FRY: variants seen among roughly 807,000 people sequenced by gnomAD.
FRY encodes protein furry homolog.
A neutral mutation model predicts 348.4 loss-of-function variants in FRY; 128 were observed. That is an observed-to-expected ratio of 0.37 (90% CI 0.32 to 0.43). The LOEUF is 0.43. Among genes scored for constraint, FRY ranks in the 20% least tolerant of loss-of-function variants. The pLI is 1.00. For synonymous variants in FRY, 1,370 were observed against 1,374.7 expected, an observed-to-expected ratio of 1.00 and a Z score of 0.08; for missense variants, 2,736 against 3,695.2, an observed-to-expected ratio of 0.74 and a Z score of 6.73.
rs765046521 is a variant in FRY at position 32,209,017 on chromosome 13, G to A, written c.4183G>A (p.Val1395Met). The change falls in exon 32 of 61, where the codon GTG (valine) becomes ATG (methionine). Residue 1395 changes from valine (V) to methionine (M), a missense_variant. Physicochemically the swap from Val to Met is conservative, Grantham distance 21 (BLOSUM62 1). Coordinates refer to ENST00000542859, the MANE Select transcript of FRY (RefSeq NM_023037.3). The part of the protein sequence containing the change: ...EDEVKDREGD[V>M]TASHGLRGNG... ...CGAAGTCAAGGACCGGGAAGGTGACGTGACTGCTTCTCACGGGCTGAGAGG... is the reference window on the plus strand; with the variant it reads ...CGAAGTCAAGGACCGGGAAGGTGACATGACTGCTTCTCACGGGCTGAGAGG... The A allele has an allele frequency of 4.8e-5, 78 of 1,614,204 alleles. No homozygotes were observed. In the South Asian group the frequency reaches 5.2e-4, roughly 11 times the overall value.
chr13:32,228,682 G>C, intron 40 of FRY, 28 bp downstream of exon 40: 1 of 1,602,240 alleles, frequency 6.2e-7, no homozygotes, highest in Non-Finnish European at 8.6e-7. Flanking sequence ...GTCCGCTGCT[G>C]TTTGCAGGTT....
intron 50 of FRY, among the ~76,000 whole-genome samples, chr13:32,252,164 T>G (rs927813823): frequency 9.9e-5 from 15 of 152,206 alleles, no homozygotes; most frequent in Admixed American, 6.5e-5. Context: ...GCTGGCTGTT[T>G]GCTCGTTTGT....
At chr13:32,039,993 C>T (rs1872688491) in intron 1 of FRY, among the ~76,000 whole-genome samples, 1 of 152,306 alleles carries the variant, frequency 6.6e-6, no homozygotes, top group African/African-American at 2.4e-5. Flanking sequence ...CAGGATTTCT[C>T]AGCTAATGCC....
intron 1 of FRY, among the ~76,000 whole-genome samples, chr13:32,065,097 A>G (rs1000317221): frequency 2.0e-5 from 3 of 152,284 alleles, no homozygotes; most frequent in South Asian, 4.1e-4. Flanking sequence ...AGGTTCTAAG[A>G]TGGCATTCCT....
In FRY at chr13:32,078,851, G is replaced by A. The variant is rs760037531; in HGVS notation, c.88G>A (p.Gly30Ser). ...TTTTTCAGCTTCTCCCGTTGGCAAC[G>A]GTTACATCAAGCCTCCGGTTCCACC... ...SWSNTSPVGN[G>S]YIKPPVPPAS... is the part of the protein sequence containing the mutation. Residue 30 changes from glycine to serine, a missense_variant, in exon 2 of 61, where the codon GGT becomes AGT. By Grantham distance (56) the Gly-to-Ser change is moderately conservative. This residue lies in a region of FRY where 309 missense variants were observed against 418.1 expected (regional missense o/e 0.74). Transcript: ENST00000542859. 3.7e-6 allele frequency: 6 copies of A among 1,613,946 alleles called. No homozygotes were observed. Among genetic ancestry groups the A allele is most frequent in the South Asian group, 2.2e-5 (2 of 91,076 alleles).
chr13:32,262,650 T>C (rs1887719785), intron 53 of FRY, among the ~76,000 whole-genome samples, 175 bp downstream of exon 53: 1 of 152,228 alleles, frequency 6.6e-6, no homozygotes, highest in South Asian at 2.1e-4. Flanking sequence ...TGTTTTGAAG[T>C]TGTTTTACCC....
chr13:32,124,984 T>C, intron 7 of FRY, 109 bp downstream of exon 7: 2 of 801,248 alleles, frequency 2.5e-6, no homozygotes, highest in Non-Finnish European at 4.4e-6. Flanking sequence ...TAGGTAGGGC[T>C]CTTTGCCATG....
Position 32,171,960 on chromosome 13 carries a change from G to T in FRY, c.2151+690G>T, listed in dbSNP as rs944003027. 3.3e-5 allele frequency among the ~76,000 whole-genome samples: 5 copies of T among 152,076 alleles called. No homozygotes were observed. The East Asian group carries it at 9.6e-4, about 29-fold the overall frequency. On this transcript the variant is annotated intron_variant, in intron 18 of 60. Transcript: ENST00000542859. ...GATGTAGATGTGGATGTGGATATGG[G>T]TGTGGATGTGGATGTAGATAGGATG...
chr13:32,092,238 G>A (rs1876360170), intron 2 of FRY, among the ~76,000 whole-genome samples: 1 of 152,150 alleles, frequency 6.6e-6, no homozygotes, highest in Non-Finnish European at 1.5e-5. Context: ...ATTTTGGAAG[G>A]CCACTAAAAA....
intron 11 of FRY, among the ~76,000 whole-genome samples, chr13:32,140,277 T>A (rs1425311117): frequency 1.3e-5 from 2 of 152,202 alleles, no homozygotes; most frequent in Non-Finnish European, 2.9e-5. Context: ...CTTTCATGAA[T>A]GTTGTTTATG....
chr13:32,294,398 C>A lies in FRY; in HGVS notation c.8611C>A (p.Leu2871Ile), dbSNP rs1227056882. 2 of 1,613,812 alleles carry A rather than the reference C, an allele frequency of 1.2e-6. No individual in the cohort carries two copies. The highest frequency in any genetic ancestry group is 1.7e-6 in the Non-Finnish European group (2 of 1,179,802). ...LLNMSRELSD[L>I]KKHLKEASAV... is the part of the protein sequence containing the mutation. The stretch of plus-strand genomic sequence containing the variant: ...GAATATGTCCAGGGAACTGAGTGAC[C>A]TAAAGAAACACCTGAAGGAAGCCAG... Residue 2871 changes from leucine to isoleucine, a missense_variant, in exon 60 of 61, where the codon CTA (leucine) becomes ATA (isoleucine). Physicochemically the swap from Leu to Ile is conservative, Grantham distance 5. This residue lies in a region of FRY where 157 missense variants were observed against 215.2 expected (regional missense o/e 0.73). Transcript: ENST00000542859.
chr13:32,129,316 G>A (rs1879211823), intron 7 of FRY, among the ~76,000 whole-genome samples: 1 of 152,110 alleles, frequency 6.6e-6, no homozygotes, highest in African/African-American at 2.4e-5. Flanking sequence ...ATGAATTTGA[G>A]GGGCACACAA....
At chr13:32,200,074 A>G (rs367931834) in intron 29 of FRY, among the ~76,000 whole-genome samples, 26 of 152,086 alleles carry the variant, frequency 1.7e-4, no homozygotes, top group Admixed American at 9.2e-4. Context: ...TCCTCCTCTT[A>G]TAAAGCTACT....
chr13:32,124,258 T>C (rs757182592), intron 4 of FRY, 28 bp from the exon 5 acceptor site: 1 of 1,324,570 alleles, frequency 7.5e-7, no homozygotes, highest in East Asian at 2.3e-5. Context: ...TTCAGTGTGC[T>C]TTAATGTAAA....
At chr13:32,228,416 C>G (rs1566149820) in intron 39 of FRY, 40 bp from the exon 40 acceptor site, 1 of 1,446,868 alleles carries the variant, frequency 6.9e-7, no homozygotes, top group Non-Finnish European at 9.7e-7. Flanking sequence ...GACAAGCACA[C>G]TGCCTAGTAC....
intron 11 of FRY, among the ~76,000 whole-genome samples, chr13:32,146,390 G>T (rs545576044): frequency 2.6e-5 from 4 of 152,094 alleles, no homozygotes; most frequent in Non-Finnish European, 5.9e-5. Context: ...AGGCTGGAGC[G>T]CAGTGGCGCC....
intron 7 of FRY, among the ~76,000 whole-genome samples, chr13:32,130,152 C>A (rs1879261371): frequency 6.6e-6 from 1 of 151,500 alleles, no homozygotes; most frequent in East Asian, 1.9e-4. Context: ...GCTCTGCCTC[C>A]CAGGTTCAAG....
chr13:32,092,770 C>G (rs899420672), intron 2 of FRY, among the ~76,000 whole-genome samples: 1 of 152,090 alleles, frequency 6.6e-6, no homozygotes, highest in Non-Finnish European at 1.5e-5. Flanking sequence ...GGTGAGGTAT[C>G]TCTGAGATTT....
At chr13:32,254,034 C>CGTCTTTGCCACGA in intron 50 of FRY, 190 bp from the exon 51 acceptor site, 1 of 622,054 alleles carries the variant, frequency 1.6e-6, no homozygotes, top group Non-Finnish European at 2.9e-6. Flanking sequence ...CATGAACTTG[C>CGTCTTTGCCACGA]GTCTTTGCCA....
Sources: allele counts gnomAD v4.1 joint callset (sites outside exome capture counted in the v4.1 genomes callset), GRCh38; gene constraint gnomAD v4.1.1; regional missense constraint gnomAD v4.1.1; transcripts MANE v1.5; gene names NCBI Gene and HGNC (gene_info 2026-07-23, HGNC 2026-07-21).